The following HCN1 variants were observed in gnomAD, a reference collection of about 807,000 sequenced individuals.
The protein encoded by HCN1 is potassium/sodium hyperpolarization-activated cyclic nucleotide-gated channel 1.
In HCN1, 13 loss-of-function variants were observed where a neutral mutation model predicts 78.9. That is an observed-to-expected ratio of 0.16 (90% confidence interval 0.11 to 0.26). HCN1 has a LOEUF of 0.26. Among genes scored for constraint, HCN1 ranks in the 10% least tolerant of loss-of-function variants. The pLI is 1.00. For synonymous variants in HCN1, 552 were observed against 455.5 expected, an observed-to-expected ratio of 1.21 and a Z score of -2.70; for missense variants, 810 against 1,154.3, an observed-to-expected ratio of 0.70 and a Z score of 4.32.
At chr5:45,587,865 G>A (rs1381141702) in intron 2 of HCN1, among the ~76,000 whole-genome samples, 2 of 152,092 alleles carry the variant, frequency 1.3e-5, no homozygotes, top group African/African-American at 2.4e-5. Flanking sequence ...TAGTTCATGA[G>A]GTTTGAGCTT....
chr5:45,489,503 G>T (rs1741836619), intron 2 of HCN1, among the ~76,000 whole-genome samples: 1 of 152,130 alleles, frequency 6.6e-6, no homozygotes, highest in Admixed American at 6.6e-5. Context: ...GTGGATTGGT[G>T]ATTCTTCAGA....
At chr5:45,275,702 C>T (rs996766891) in intron 6 of HCN1, among the ~76,000 whole-genome samples, 9 of 152,028 alleles carry the variant, frequency 5.9e-5, no homozygotes, top group African/African-American at 9.7e-5. Flanking sequence ...AGATATGTTA[C>T]GTAGGTAGGA....
intron 1 of HCN1, among the ~76,000 whole-genome samples, chr5:45,686,082 CTATA>C (rs1268217916): frequency 1.3e-5 from 2 of 151,554 alleles, no homozygotes; most frequent in East Asian, 1.9e-4. Context: ...TATATACACA[CTATA>C]TATACTATAT....
intron 1 of HCN1, among the ~76,000 whole-genome samples, chr5:45,674,358 G>A (rs916972210): frequency 6.6e-6 from 1 of 151,360 alleles, no homozygotes; most frequent in East Asian, 1.9e-4. Flanking sequence ...CTAAATAAAA[G>A]GATAATGAAT....
At chr5:45,588,150 C>T (rs1328073413) in intron 2 of HCN1, among the ~76,000 whole-genome samples, 3 of 152,084 alleles carry the variant, frequency 2.0e-5, no homozygotes, top group Admixed American at 6.6e-5. Flanking sequence ...CAATATAAAA[C>T]CTACCTATAC....
intron 2 of HCN1, among the ~76,000 whole-genome samples, chr5:45,508,217 A>G (rs1742345972): frequency 6.6e-6 from 1 of 152,152 alleles, no homozygotes; most frequent in Admixed American, 6.6e-5. Context: ...AAAGTTCATC[A>G]TATTTTTCTC....
At chr5:45,343,183 G>C (rs1247489777) in intron 5 of HCN1, among the ~76,000 whole-genome samples, 1 of 152,186 alleles carries the variant, frequency 6.6e-6, no homozygotes, top group Non-Finnish European at 1.5e-5. Flanking sequence ...ACATGACAGT[G>C]GGGGAAAGGA....
intron 5 of HCN1, among the ~76,000 whole-genome samples, chr5:45,318,008 G>T (rs574986048): frequency 4.6e-5 from 7 of 152,282 alleles, no homozygotes; most frequent in Non-Finnish European, 1.0e-4. Flanking sequence ...ACAGTGTGGT[G>T]ATTCCTCAAG....
intron 2 of HCN1, among the ~76,000 whole-genome samples, chr5:45,624,237 C>T (rs1745120915): frequency 6.6e-6 from 1 of 152,114 alleles, no homozygotes; most frequent in Non-Finnish European, 1.5e-5. Context: ...GAAACATAAG[C>T]CTAAGTATGG....
At chr5:45,421,399 G>C (rs1046013048) in intron 3 of HCN1, among the ~76,000 whole-genome samples, 5 of 152,090 alleles carry the variant, frequency 3.3e-5, no homozygotes, top group African/African-American at 1.2e-4. Flanking sequence ...ACTAGAGATT[G>C]TATACAGATG....
rs534292903 is a variant in HCN1 at position 45,633,476 on chromosome 5, T to C, written c.849+11709A>G. The stretch of plus-strand genomic sequence containing the variant: ...AAATAGATAGTGGAGGTCTTTCCAG[T>C]GGAGCCAAAATGTGGCTTTAGAGCC... On this transcript the variant is annotated intron_variant, in intron 2 of 7. Transcript: ENST00000303230. 2.0e-5 allele frequency among the ~76,000 whole-genome samples: 3 copies of C among 152,088 alleles called. No individual in the cohort carries two copies. In the East Asian group the frequency reaches 5.8e-4, roughly 29 times the overall value.
intron 4 of HCN1, among the ~76,000 whole-genome samples, chr5:45,391,615 G>A (rs550299356): frequency 6.6e-6 from 1 of 152,218 alleles, no homozygotes; most frequent in Non-Finnish European, 1.5e-5. Context: ...TTCTGAGAGA[G>A]GAGGCTCCAT....
At chr5:45,270,839 T>C (rs1744947585) in intron 6 of HCN1, among the ~76,000 whole-genome samples, 1 of 152,202 alleles carries the variant, frequency 6.6e-6, no homozygotes, top group South Asian at 2.1e-4. Flanking sequence ...CACAGTCATT[T>C]TACAGATATG....
At chr5:45,585,360 C>T (rs1331644153) in intron 2 of HCN1, among the ~76,000 whole-genome samples, 2 of 152,184 alleles carry the variant, frequency 1.3e-5, no homozygotes, top group African/African-American at 2.4e-5. Flanking sequence ...AGTTCTCGTG[C>T]CATGGTTTTC....
At position 45,257,909 on chromosome 5, in the gene HCN1, C is replaced by T. The variant is rs1320459932; in HGVS notation, c.*4012G>A. 6.9e-6 allele frequency: 1 copy of T among 145,174 alleles called. No homozygotes were observed. The highest frequency in any genetic ancestry group is 6.7e-5 in the Admixed American group (1 of 14,956). The allele number at this position is 145,174 out of a possible 1,614,324, so 9.0% of individuals were successfully genotyped here. ...GTTTTCAGGACTCAAAATAGCTCAG[C>T]ATTCCATTCTATAAGGCCCATGTTT... On this transcript the variant is annotated 3_prime_UTR_variant, in exon 8 of 8. Transcript: ENST00000303230.
intron 1 of HCN1, among the ~76,000 whole-genome samples, chr5:45,690,337 C>G (rs1460050786): frequency 2.6e-5 from 4 of 151,970 alleles, no homozygotes; most frequent in Admixed American, 6.6e-5. Context: ...TATGAGAAAA[C>G]TAACTAACAT....
intron 5 of HCN1, among the ~76,000 whole-genome samples, chr5:45,347,544 G>C (rs1189702670): frequency 6.6e-6 from 1 of 152,274 alleles, no homozygotes; most frequent in African/African-American, 2.4e-5. Context: ...AGAGAAGAAG[G>C]CTTCAGACGA....
At chr5:45,629,024 A>G (rs1306774300) in intron 2 of HCN1, among the ~76,000 whole-genome samples, 2 of 151,668 alleles carry the variant, frequency 1.3e-5, no homozygotes, top group African/African-American at 4.8e-5. Context: ...ATTAAAAAAC[A>G]TATATTATAC....
At chr5:45,392,375 CAAA>C in intron 4 of HCN1, among the ~76,000 whole-genome samples, 1 of 152,108 alleles carries the variant, frequency 6.6e-6, no homozygotes, top group East Asian at 1.9e-4. Flanking sequence ...AGCAATTAAA[CAAA>C]AACATTTGCC....
Sources: allele counts gnomAD v4.1 joint callset (sites outside exome capture counted in the v4.1 genomes callset), GRCh38; gene constraint gnomAD v4.1.1; transcripts MANE v1.5; gene names NCBI Gene and HGNC (gene_info 2026-07-23, HGNC 2026-07-21).